TNRC6B: variants seen among roughly 807,000 people sequenced by gnomAD.
The protein encoded by TNRC6B is trinucleotide repeat-containing gene 6B protein.
A neutral mutation model predicts 203.6 loss-of-function variants in TNRC6B; 52 were observed. The ratio of observed to expected loss-of-function variants is 0.26; its 90% CI spans 0.20 to 0.32. The LOEUF (loss-of-function observed/expected upper bound fraction) is 0.32, where lower values mean the gene tolerates loss of function less well. TNRC6B is among the 10% of genes least tolerant of loss of function. The pLI is 1.00. For missense variants in TNRC6B, 1,923 were observed against 2,286.2 expected (o/e 0.84, Z 3.24); for synonymous variants, 838 against 845.7 (o/e 0.99, Z 0.16).
At chr22:40,161,213 T>C (rs577337695) in intron 4 of TNRC6B, among the ~76,000 whole-genome samples, 5 of 152,352 alleles carry the variant, frequency 3.3e-5, no homozygotes, top group African/African-American at 1.2e-4. Context: ...AAAATATCTT[T>C]AGGTTTTCTA....
intron 1 of TNRC6B, among the ~76,000 whole-genome samples, chr22:40,056,936 C>T (rs1312847688): frequency 4.6e-5 from 7 of 152,188 alleles, no homozygotes; most frequent in Non-Finnish European, 7.3e-5. Flanking sequence ...CAGATTCCTC[C>T]CATGGGCACA....
chr22:40,272,602 A>G (rs944310874), intron 6 of TNRC6B, among the ~76,000 whole-genome samples: 3 of 152,208 alleles, frequency 2.0e-5, no homozygotes, highest in Admixed American at 1.3e-4. Flanking sequence ...ACTGCAAAGT[A>G]TGTTTTGATT....
At chr22:40,128,572 G>A (rs112746953) in intron 3 of TNRC6B, among the ~76,000 whole-genome samples, 13 of 146,508 alleles carry the variant, frequency 8.9e-5, no homozygotes, top group African/African-American at 2.1e-4. Flanking sequence ...CACGGCTCAC[G>A]GCTCACAGCT....
rs528125926 is a variant in TNRC6B at position 40,121,701 on chromosome 22, C to T, written c.-46-4071C>T. On this transcript the variant is annotated intron_variant, in intron 2 of 23. Transcript: ENST00000301923. ...CTTTCAATACCAGCATCACCACCAC[C>T]GCCACAACCGTCTGTGGCTTGTTTC... 5.3e-5 allele frequency among the ~76,000 whole-genome samples: 8 copies of T among 152,338 alleles called. No homozygotes were observed. In the East Asian group the frequency reaches 5.8e-4, roughly 11 times the overall value.
intron 1 of TNRC6B, among the ~76,000 whole-genome samples, chr22:40,208,111 CAAAA>C (rs905832467): frequency 2.7e-5 from 2 of 74,924 alleles, no homozygotes; most frequent in Non-Finnish European, 3.4e-5. Flanking sequence ...GACTCCATCT[CAAAA>C]AAAAAAAAAA....
At chr22:40,322,519 C>G (rs2071347370) in intron 22 of TNRC6B, among the ~76,000 whole-genome samples, 1 of 152,220 alleles carries the variant, frequency 6.6e-6, no homozygotes, top group South Asian at 2.1e-4. Flanking sequence ...ACACGTTTTT[C>G]TTGATAGCTA....
At chr22:40,297,918 T>A (rs2070965937) in intron 12 of TNRC6B, among the ~76,000 whole-genome samples, 2 of 151,594 alleles carry the variant, frequency 1.3e-5, no homozygotes, top group Non-Finnish European at 2.9e-5. Context: ...GTCAGGAGAT[T>A]GAGACCATCC....
Position 40,323,315 on chromosome 22 carries a change from T to C in TNRC6B, c.*74T>C. The C allele has an allele frequency of 6.8e-7, 1 of 1,480,362 alleles. No individual in the cohort carries two copies. Among genetic ancestry groups the C allele is most frequent in the Non-Finnish European group, 9.0e-7 (1 of 1,116,192 alleles). The allele number at this position is 1,480,362 out of a possible 1,614,324, so 91.7% of individuals were successfully genotyped here. A position where few individuals can be genotyped will look rare whatever the true frequency, so the allele number is the denominator to read the frequency against. ...AGCACTAACTTGACCTTTTCGTTTT[T>C]TTTTTCAACTTGCAATAAATACATT... On this transcript the variant is annotated 3_prime_UTR_variant, in exon 23 of 23. Coordinates refer to ENST00000454349, the MANE Select transcript of TNRC6B (RefSeq NM_001162501.2).
chr22:40,303,917 A>AT (rs1449899294), intron 15 of TNRC6B, among the ~76,000 whole-genome samples: 2 of 151,930 alleles, frequency 1.3e-5, no homozygotes, highest in Admixed American at 1.3e-4. Context: ...CTCAAAAATA[A>AT]TTTTTTTTCC....
At chr22:40,163,336 G>A (rs948760211) in intron 4 of TNRC6B, among the ~76,000 whole-genome samples, 7 of 147,810 alleles carry the variant, frequency 4.7e-5, no homozygotes, top group Non-Finnish European at 1.0e-4. Flanking sequence ...AGGTAGTGGT[G>A]GCAGTGAGCC....
rs534962897 is a variant in TNRC6B, at chr22:40,135,961, A to G, written c.45+10099A>G. 4.6e-5 allele frequency among the ~76,000 whole-genome samples: 7 copies of G among 152,358 alleles called. No homozygotes were observed. The East Asian group carries it at 1.2e-3, about 25-fold the overall frequency. On this transcript the variant is annotated intron_variant, in intron 3 of 23. Coordinates refer to the TNRC6B transcript ENST00000301923. ...AAAGAAAAGAGGATTTAATAGGCCT[A>G]CTTCAGCCTGTGGACTGATTTCCAT...
intron 15 of TNRC6B, among the ~76,000 whole-genome samples, chr22:40,307,772 C>T (rs1346701941): frequency 6.6e-6 from 1 of 152,154 alleles, no homozygotes; most frequent in East Asian, 1.9e-4. Context: ...TCTGCCCTGA[C>T]CTCCACCCAC....
At chr22:40,243,269 G>A (rs2070057716) in intron 1 of TNRC6B, among the ~76,000 whole-genome samples, 1 of 152,178 alleles carries the variant, frequency 6.6e-6, no homozygotes, top group Admixed American at 6.5e-5. Flanking sequence ...TTGATTTATT[G>A]TTATAAATTT....
At chr22:40,238,615 C>G (rs1417840237) in intron 1 of TNRC6B, among the ~76,000 whole-genome samples, 1 of 152,062 alleles carries the variant, frequency 6.6e-6, no homozygotes, top group African/African-American at 2.4e-5. Flanking sequence ...ATGTTCACCC[C>G]CAGATACCCA....
intron 3 of TNRC6B, among the ~76,000 whole-genome samples, chr22:40,128,047 C>T (rs546186618): frequency 6.6e-6 from 1 of 152,274 alleles, no homozygotes; most frequent in South Asian, 2.1e-4. Flanking sequence ...CTTGATTTTT[C>T]AATTACTGAA....
chr22:40,194,765 TAGAG>T (rs2069315396), intron 1 of TNRC6B, among the ~76,000 whole-genome samples: 1 of 152,004 alleles, frequency 6.6e-6, no homozygotes. Context: ...CCCCCACCAA[TAGAG>T]AAGAAAAGCC....
Position 40,261,878 on chromosome 22 carries a change from C to G in TNRC6B, c.162C>G (p.Ser54Arg). Residue 54 changes from serine (S) to arginine (R), a missense_variant, in exon 4 of 23, where the codon AGC becomes AGG. Ser to Arg is a moderately radical substitution (Grantham distance 110). This residue lies in a region of TNRC6B where 111 missense variants were observed against 155.3 expected (regional missense o/e 0.71). Coordinates refer to ENST00000454349, the MANE Select transcript of TNRC6B (RefSeq NM_001162501.2). ...KPSLSQPTAA[S>R]PIGSSPSPPV... ...GTTTAAGCCAACCAACGGCCGCCAG[C>G]CCAATTGGCAGCTCTCCATCGCCAC... is the stretch of plus-strand genomic sequence containing the variant. 2 of 1,589,658 alleles carry G rather than the reference C, an allele frequency of 1.3e-6. No homozygotes were observed. The highest frequency in any genetic ancestry group is 1.7e-6 in the Non-Finnish European group (2 of 1,160,164).
At chr22:40,148,283 C>CTTTTTTTTTTTTTTTTTTTTTTTTTTT (rs907310952) in intron 3 of TNRC6B, among the ~76,000 whole-genome samples, 1 of 128,798 alleles carries the variant, frequency 7.8e-6, no homozygotes. Flanking sequence ...AAAACAGTTT[C>CTTTTTTTTTTTTTTTTTTTTTTTTTTT]TTTTTTTTTT....
At chr22:40,292,802 A>G (rs1337587914) in intron 12 of TNRC6B, among the ~76,000 whole-genome samples, 3 of 152,210 alleles carry the variant, frequency 2.0e-5, no homozygotes, top group Non-Finnish European at 2.9e-5. Context: ...TGGGATAGGA[A>G]TTTCTCAAAA....
Sources: allele counts gnomAD v4.1 joint callset (sites outside exome capture counted in the v4.1 genomes callset), GRCh38; gene constraint gnomAD v4.1.1; regional missense constraint gnomAD v4.1.1; transcripts MANE v1.5; gene names NCBI Gene and HGNC (gene_info 2026-07-23, HGNC 2026-07-21).